Variants in TEX11 observed in about 807,000 individuals in gnomAD.
TEX11 encodes the protein testis expressed 11.
Under a neutral mutation model 84.4 loss-of-function variants are expected in TEX11, and 7 were observed. That is an observed-to-expected ratio of 0.08 (90% CI 0.05 to 0.16). The LOEUF (loss-of-function observed/expected upper bound fraction) is 0.16, where lower values mean the gene tolerates loss of function less well. Ranked by LOEUF, TEX11 falls within the 10% of genes least tolerant of loss-of-function variation. TEX11 has a pLI of 1.00. For synonymous variants in TEX11, 264 were observed against 222.8 expected (o/e 1.18, Z -1.64); for missense variants, 551 against 660.5 (o/e 0.83, Z 1.82).
intron 9 of TEX11, among the ~76,000 whole-genome samples, chrX:70,777,338 A>G (rs2091008591): frequency 8.9e-6 from 1 of 112,092 alleles, no homozygotes; most frequent in Admixed American, 9.5e-5. Flanking sequence ...GATCATAATT[A>G]AGTTTTTATC....
chrX:70,645,034 G>A (rs892051861), intron 17 of TEX11, among the ~76,000 whole-genome samples: 1 of 110,494 alleles, frequency 9.1e-6, no homozygotes, highest in African/African-American at 3.3e-5. Flanking sequence ...TATGTACCAA[G>A]AAATTGGATA....
At chrX:70,679,139 C>T (rs1318365086) in intron 14 of TEX11, among the ~76,000 whole-genome samples, 2 of 112,884 alleles carry the variant, frequency 1.8e-5, no homozygotes, top group African/African-American at 3.2e-5. Flanking sequence ...CGAGGTTTCG[C>T]TGTGTTGGCT....
chrX:70,741,342 G>A (rs1406064462), intron 10 of TEX11, among the ~76,000 whole-genome samples: 2 of 111,832 alleles, frequency 1.8e-5, no homozygotes, highest in African/African-American at 6.5e-5. Flanking sequence ...CAGGACAACT[G>A]TATGATTCCA....
chrX:70,646,055 A>G (rs749929408), intron 17 of TEX11, among the ~76,000 whole-genome samples: 15 of 112,083 alleles, frequency 1.3e-4, no homozygotes, highest in African/African-American at 3.9e-4. Context: ...ACAGCATGGT[A>G]TTGGCAGAAA....
chrX:70,726,703 G>T (rs2090602266), intron 11 of TEX11, among the ~76,000 whole-genome samples: 1 of 109,667 alleles, frequency 9.1e-6, no homozygotes, highest in Non-Finnish European at 1.9e-5. Flanking sequence ...GCTCATTTTT[G>T]TATTTTTAGT....
intron 20 of TEX11, among the ~76,000 whole-genome samples, chrX:70,615,682 A>C (rs1300845234): frequency 8.9e-6 from 1 of 112,044 alleles, no homozygotes; most frequent in East Asian, 2.8e-4. Context: ...AAGTACAAGA[A>C]AGTTACAGAA....
chrX:70,642,134 A>C lies in TEX11; in HGVS notation c.1483+9316T>G, dbSNP rs759401361. Among the ~76,000 whole-genome samples the C allele has an allele frequency of 9.9e-3, 1,103 of 111,343 alleles. 15 individuals carry two copies. Among genetic ancestry groups the C allele is most frequent in the African/African-American group, 0.032 (986 of 30,651 alleles). On this transcript the variant is annotated intron_variant, in intron 17 of 29. Coordinates refer to ENST00000374333, the MANE Select transcript of TEX11 (RefSeq NM_031276.3). Reference sequence around the variant, plus strand: ...TACAAACTACCATCAGAGAATACTAAAAACACCTCTATGCAAATAAACTAG... The same window carrying C: ...TACAAACTACCATCAGAGAATACTACAAACACCTCTATGCAAATAAACTAG...
chrX:70,560,405 C>T (rs186785990), intron 25 of TEX11, among the ~76,000 whole-genome samples: 25 of 111,310 alleles, frequency 2.2e-4, no homozygotes, highest in African/African-American at 7.8e-4. Flanking sequence ...CCACCTCAGC[C>T]TCCCAAAGTG....
At chrX:70,746,942 CA>C (rs1368965649) in intron 9 of TEX11, among the ~76,000 whole-genome samples, 2 of 112,263 alleles carry the variant, frequency 1.8e-5, no homozygotes, top group Non-Finnish European at 3.8e-5. Flanking sequence ...AAGGCATAAA[CA>C]GATCTATCAG....
At chrX:70,780,032 C>A (rs73634836) in intron 9 of TEX11, among the ~76,000 whole-genome samples, 1 of 110,958 alleles carries the variant, frequency 9.0e-6, no homozygotes, top group African/African-American at 3.3e-5. Flanking sequence ...CTTGGGAGGC[C>A]GAGGTGTGCA....
At chrX:70,632,664 G>A (rs772401612) in intron 17 of TEX11, among the ~76,000 whole-genome samples, 1 of 111,350 alleles carries the variant, frequency 9.0e-6, no homozygotes, top group African/African-American at 3.3e-5. Context: ...CAATAAAATT[G>A]ACCTTCTACA....
In TEX11 at chrX:70,772,727, G is replaced by A. The variant is rs772492048; in HGVS notation, c.693-28508C>T. ...TAAAGGAGCTCAGTTAATTACAAGC[G>A]AACACAGACAACTAAACAAAACCAG... On this transcript the variant is annotated intron_variant, in intron 9 of 29. Transcript: ENST00000374333. 1.2e-4 allele frequency among the ~76,000 whole-genome samples: 13 copies of A among 111,016 alleles called. No individual in the cohort carries two copies. The East Asian group carries it at 1.4e-3, about 12-fold the overall frequency.
At chrX:70,769,509 A>G (rs2147776292) in intron 9 of TEX11, among the ~76,000 whole-genome samples, 1 of 112,186 alleles carries the variant, frequency 8.9e-6, no homozygotes, top group Non-Finnish European at 1.9e-5. Context: ...TACAAAGATG[A>G]GTTAATCTAA....
rs945773720 is a variant in TEX11, at chrX:70,714,941, T to G, written c.1004+7677A>C. On this transcript the variant is annotated intron_variant, in intron 13 of 29. Transcript: ENST00000374333. ...TGCAGTGGCTTGTACCGGTTGTTCC[T>G]TTCTATGTTTAGTGCTTCCTTCAGG... Among the ~76,000 whole-genome samples, 5 of 111,862 alleles carry G rather than the reference T, an allele frequency of 4.5e-5. No individual in the cohort carries two copies. The Admixed American group carries it at 4.8e-4, about 11-fold the overall frequency.
chrX:70,582,560 T>C (rs1179645805), intron 25 of TEX11, among the ~76,000 whole-genome samples: 1 of 111,090 alleles, frequency 9.0e-6, no homozygotes, highest in Non-Finnish European at 1.9e-5. Context: ...AGACTCTGTG[T>C]TTTACAAGAA....
chrX:70,526,943 G>C (rs2087828817), downstream of TEX11, among the ~76,000 whole-genome samples: 1 of 111,916 alleles, frequency 8.9e-6, no homozygotes, highest in South Asian at 3.7e-4. Flanking sequence ...GCTTTGGGCA[G>C]CAAAATAAAT....
chrX:70,650,129 AG>A (rs1378064496), intron 17 of TEX11, among the ~76,000 whole-genome samples: 1 of 111,815 alleles, frequency 8.9e-6, no homozygotes, highest in Non-Finnish European at 1.9e-5. Flanking sequence ...ACTGATTTCC[AG>A]GGCTGAAAGT....
chrX:70,652,639 A>C (rs1398105145), intron 16 of TEX11, among the ~76,000 whole-genome samples: 1 of 111,994 alleles, frequency 8.9e-6, no homozygotes, highest in African/African-American at 3.2e-5. Context: ...CATATCAGTG[A>C]AGTTAGTAGG....
At chrX:70,750,128 T>C (rs2090803824) in intron 9 of TEX11, among the ~76,000 whole-genome samples, 1 of 111,649 alleles carries the variant, frequency 9.0e-6, no homozygotes, top group Admixed American at 9.5e-5. Flanking sequence ...GAACAGACAC[T>C]TCTCAAAAGA....
Sources: gnomAD v4.1 joint callset for allele counts (sites outside exome capture counted in the v4.1 genomes callset) on GRCh38, gnomAD v4.1.1 for gene constraint, MANE v1.5 for transcripts, NCBI Gene and HGNC (gene_info 2026-07-23, HGNC 2026-07-21) for gene names.